Variants in KAZN observed in about 807,000 individuals in gnomAD.
KAZN encodes the protein kazrin, periplakin interacting protein.
In KAZN, 40 loss-of-function variants were observed where a neutral mutation model predicts 87.4. That is an observed-to-expected ratio of 0.46 (90% CI 0.36 to 0.60). KAZN has a LOEUF of 0.60. KAZN is among the 20% of genes least tolerant of loss of function. The pLI is 0.00. For missense variants in KAZN, 898 were observed against 1,073.9 expected (o/e 0.84, Z 2.29); for synonymous variants, 466 against 458.3 (o/e 1.02, Z -0.22).
intron 6 of KAZN, chr1:15,060,646 C>T: frequency 3.5e-6 from 1 of 284,034 alleles, no homozygotes; most frequent in South Asian, 5.7e-5. Context: ...TCAGGGCCTC[C>T]CCAGCACCTC....
intron 1 of KAZN, among the ~76,000 whole-genome samples, chr1:14,796,942 G>A (rs1645846060): frequency 6.6e-6 from 1 of 152,270 alleles, no homozygotes; most frequent in South Asian, 2.1e-4. Flanking sequence ...AAATGGTGAA[G>A]ACGGCCTGAT....
intron 1 of KAZN, among the ~76,000 whole-genome samples, chr1:14,720,858 T>C (rs1643061487): frequency 6.6e-6 from 1 of 152,098 alleles, no homozygotes; most frequent in Non-Finnish European, 1.5e-5. Context: ...CTGGGACTAC[T>C]ACCGCGCCTG....
At chr1:14,010,593 T>C (rs746433897) in intron 1 of KAZN, among the ~76,000 whole-genome samples, 6 of 152,180 alleles carry the variant, frequency 3.9e-5, no homozygotes, top group Non-Finnish European at 7.3e-5. Flanking sequence ...TTGAAACTGG[T>C]CTTTGAGGCT....
intron 1 of KAZN, among the ~76,000 whole-genome samples, chr1:14,703,185 G>A (rs1285748243): frequency 6.6e-6 from 1 of 152,206 alleles, no homozygotes; most frequent in Non-Finnish European, 1.5e-5. Flanking sequence ...ACACATCATG[G>A]AGGAGATTGG....
At chr1:14,002,323 A>C (rs1639831000) in intron 1 of KAZN, among the ~76,000 whole-genome samples, 1 of 152,212 alleles carries the variant, frequency 6.6e-6, no homozygotes, top group Non-Finnish European at 1.5e-5. Context: ...TATCTCACAG[A>C]ATTCCCATGT....
intron 1 of KAZN, among the ~76,000 whole-genome samples, chr1:14,619,032 G>T (rs528004230): frequency 6.6e-6 from 1 of 152,030 alleles, no homozygotes; most frequent in Non-Finnish European, 1.5e-5. Context: ...CCAGTGTTTC[G>T]GTTTGGCTCA....
intron 1 of KAZN, among the ~76,000 whole-genome samples, chr1:14,085,321 A>G (rs986179751): frequency 6.6e-6 from 1 of 152,124 alleles, no homozygotes; most frequent in Non-Finnish European, 1.5e-5. Flanking sequence ...TGTACATTTC[A>G]ATGAGTTTGG....
At chr1:13,908,939 G>T (rs1302720708) in intron 1 of KAZN, among the ~76,000 whole-genome samples, 1 of 152,182 alleles carries the variant, frequency 6.6e-6, no homozygotes, top group African/African-American at 2.4e-5. Context: ...TAAGTACGAG[G>T]CTACTCCTTG....
chr1:14,206,835 G>A (rs1646756056), intron 2 of KAZN, among the ~76,000 whole-genome samples: 2 of 151,582 alleles, frequency 1.3e-5, no homozygotes, highest in African/African-American at 2.4e-5. Flanking sequence ...CATTGAATCA[G>A]CCATTCTCCT....
intron 8 of KAZN, among the ~76,000 whole-genome samples, chr1:15,079,753 G>A (rs1639912377): frequency 6.6e-6 from 1 of 152,182 alleles, no homozygotes; most frequent in South Asian, 2.1e-4. Flanking sequence ...GAGTCAGTGT[G>A]GGACTTGCCC....
intron 1 of KAZN, among the ~76,000 whole-genome samples, chr1:14,018,842 A>C (rs1187233557): frequency 6.6e-6 from 1 of 152,136 alleles, no homozygotes; most frequent in Non-Finnish European, 1.5e-5. Flanking sequence ...TAAGAATGAC[A>C]CCATTAGCTT....
At chr1:14,602,760 T>A (rs773517831) in intron 1 of KAZN, among the ~76,000 whole-genome samples, 1 of 152,206 alleles carries the variant, frequency 6.6e-6, no homozygotes, top group Non-Finnish European at 1.5e-5. Flanking sequence ...TTCAAATAGG[T>A]GTTAACTGTA....
intron 1 of KAZN, among the ~76,000 whole-genome samples, chr1:14,665,259 T>A (rs1359703554): frequency 1.3e-5 from 2 of 151,520 alleles, no homozygotes; most frequent in African/African-American, 4.9e-5. Flanking sequence ...TGTCCTCTTC[T>A]AGCAATCTTT....
intron 2 of KAZN, among the ~76,000 whole-genome samples, chr1:15,027,067 C>CTTTTTTT (rs1442824114): frequency 1.6e-4 from 10 of 62,230 alleles, no homozygotes; most frequent in African/African-American, 4.8e-4. Flanking sequence ...CAAGCCAGTG[C>CTTTTTTT]TTCTTTTTTT....
At position 14,040,107 on chromosome 1, in the gene KAZN, G is replaced by C. The variant is rs541414414; in HGVS notation, c.92-140328G>C. ...TGTGTGTGTGAGAGAGAGAGAGACA[G>C]AGAGAGAGAGGTTTTTTTTCTGCTT... is the stretch of plus-strand genomic sequence containing the variant. On this transcript the variant is annotated intron_variant, in intron 1 of 16. Coordinates refer to the KAZN transcript ENST00000636203. Among the ~76,000 whole-genome samples, 7 of 76,456 alleles carry C rather than the reference G, an allele frequency of 9.2e-5. No individual in the cohort carries two copies. In the East Asian group the frequency reaches 1.6e-3, roughly 17 times the overall value. The allele number at this position is 76,456 out of a possible 152,430, so 50.2% of individuals were successfully genotyped here.
Position 14,810,727 on chromosome 1 carries a change from G to T in KAZN, c.227-149957G>T, listed in dbSNP as rs150180545. On this transcript the variant is annotated intron_variant, in intron 1 of 14. Transcript: ENST00000376030. ...TGTGGCTTGTTGGGGACACCAGGCT[G>T]CTTTCCCAAGGACATGAGGGTGGCC... Among the ~76,000 whole-genome samples the T allele has an allele frequency of 1.8e-4, 27 of 152,332 alleles. No individual in the cohort carries two copies. In the East Asian group the frequency reaches 3.1e-3, roughly 17 times the overall value.
chr1:14,905,845 A>AAATAAAAATAAT (rs373272876), intron 1 of KAZN, among the ~76,000 whole-genome samples: 5 of 143,304 alleles, frequency 3.5e-5, no homozygotes, highest in Non-Finnish European at 7.5e-5. Flanking sequence ...TCCGTCTCAA[A>AAATAAAAATAAT]AATAATAATA....
At chr1:14,785,762 G>C (rs1474790918) in intron 1 of KAZN, among the ~76,000 whole-genome samples, 1 of 152,122 alleles carries the variant, frequency 6.6e-6, no homozygotes, top group Non-Finnish European at 1.5e-5. Flanking sequence ...TCTTTGCCCT[G>C]ATCATTGTTG....
chr1:15,047,625 G>A (rs1673714518), intron 4 of KAZN, among the ~76,000 whole-genome samples: 1 of 152,312 alleles, frequency 6.6e-6, no homozygotes, highest in Admixed American at 6.5e-5. Flanking sequence ...ACAAAAATCA[G>A]CTAGATGTGG....
Sources: gnomAD v4.1 joint callset for allele counts (sites outside exome capture counted in the v4.1 genomes callset) on GRCh38, gnomAD v4.1.1 for gene constraint, MANE v1.5 for transcripts, NCBI Gene and HGNC (gene_info 2026-07-23, HGNC 2026-07-21) for gene names.